The following DLG2 variants were observed in gnomAD, a reference collection of about 807,000 sequenced individuals.
The protein encoded by DLG2 is discs large MAGUK scaffold protein 2.
DLG2 carries 45 observed loss-of-function variants against 132.5 expected under a neutral mutation model. That is an observed-to-expected ratio of 0.34 (90% CI 0.27 to 0.44). The LOEUF (loss-of-function observed/expected upper bound fraction) is 0.44. Ranked by LOEUF, DLG2 falls within the 20% of genes least tolerant of loss-of-function variation. The pLI is 1.00. For synonymous variants in DLG2, 424 were observed against 419.6 expected (o/e 1.01, Z -0.13); for missense variants, 1,045 against 1,196.9 (o/e 0.87, Z 1.87).
chr11:84,806,047 A>T (rs966839026), intron 6 of DLG2, among the ~76,000 whole-genome samples: 1 of 152,242 alleles, frequency 6.6e-6, no homozygotes, highest in Non-Finnish European at 1.5e-5. Context: ...ATGAAATACC[A>T]TACAAAACTC....
At chr11:84,118,392 C>T (rs775141682) in intron 9 of DLG2, among the ~76,000 whole-genome samples, 9 of 152,114 alleles carry the variant, frequency 5.9e-5, no homozygotes, top group South Asian at 2.1e-4. Flanking sequence ...AGGCAAAATC[C>T]GATCAGACTT....
rs184684839 is a variant in DLG2 at position 84,887,927 on chromosome 11, T to C, written c.357+223734A>G. ...GTATCCACAATTACCCAGCTGCATT[T>C]AACTAATTTAAAGCTCCTCATACCA... On this transcript the variant is annotated intron_variant, in intron 6 of 27. Coordinates refer to ENST00000376104, the MANE Select transcript of DLG2 (RefSeq NM_001142699.3). 2.5e-4 allele frequency among the ~76,000 whole-genome samples: 38 copies of C among 152,264 alleles called. 1 individual carries two copies. In the East Asian group the frequency reaches 6.4e-3, roughly 26 times the overall value.
chr11:83,818,092 C>G (rs984918798), intron 17 of DLG2, among the ~76,000 whole-genome samples: 1 of 152,116 alleles, frequency 6.6e-6, no homozygotes, highest in African/African-American at 2.4e-5. Context: ...GTGAGAAGAT[C>G]AGGAGTTTGT....
Position 84,584,776 on chromosome 11 carries a change from C to T in DLG2, c.358-50045G>A, listed in dbSNP as rs561171425. The stretch of plus-strand genomic sequence containing the variant: ...GGATCTGGGCTCACTGCAAGCTCTG[C>T]CTCCCGGGTTCACGCCATTCTCCTG... On this transcript the variant is annotated intron_variant, in intron 6 of 27. Transcript: ENST00000376104. Among the ~76,000 whole-genome samples, 4 of 143,842 alleles carry T rather than the reference C, an allele frequency of 2.8e-5. No homozygotes were observed. In the East Asian group the frequency reaches 8.2e-4, roughly 30 times the overall value. 94.4% of individuals were successfully genotyped at this position (143,842 alleles called of 152,430 possible).
intron 8 of DLG2, among the ~76,000 whole-genome samples, chr11:84,188,746 C>T (rs1383473051): frequency 1.3e-5 from 2 of 152,090 alleles, no homozygotes; most frequent in Non-Finnish European, 2.9e-5. Context: ...CAAAGACATG[C>T]TTATTCTTTT....
At chr11:84,117,395 A>C (rs900658120) in intron 9 of DLG2, among the ~76,000 whole-genome samples, 1 of 152,224 alleles carries the variant, frequency 6.6e-6, no homozygotes, top group Non-Finnish European at 1.5e-5. Flanking sequence ...AAAATGAATG[A>C]AAAGGAACTA....
At chr11:84,423,711 CAA>C (rs2098957932) in intron 7 of DLG2, among the ~76,000 whole-genome samples, 1 of 149,712 alleles carries the variant, frequency 6.7e-6, no homozygotes, top group African/African-American at 2.5e-5. Context: ...TTTAATTACT[CAA>C]AGTTAGTGTC....
intron 11 of DLG2, among the ~76,000 whole-genome samples, chr11:84,023,374 T>A (rs537143086): frequency 6.6e-6 from 1 of 152,298 alleles, no homozygotes; most frequent in East Asian, 1.9e-4. Flanking sequence ...TTAATCTTCA[T>A]AACAAACCTA....
At position 83,506,181 on chromosome 11, in the gene DLG2, A is replaced by C. The variant is rs528176288; in HGVS notation, c.2194-21953T>G. ...TTCAGTTTCCACTAAACTTGGTCCT[A>C]GAATTTCCAGCTCGCTCACAGTGGG... is the stretch of plus-strand genomic sequence containing the variant. On this transcript the variant is annotated intron_variant, in intron 21 of 27. Coordinates refer to ENST00000376104, the MANE Select transcript of DLG2 (RefSeq NM_001142699.3). Among the ~76,000 whole-genome samples, 5 of 152,322 alleles carry C rather than the reference A, an allele frequency of 3.3e-5. No homozygotes were observed. In the East Asian group the frequency reaches 7.7e-4, roughly 24 times the overall value.
intron 18 of DLG2, among the ~76,000 whole-genome samples, chr11:83,711,459 G>A (rs1019828390): frequency 1.1e-4 from 16 of 152,182 alleles, no homozygotes; most frequent in African/African-American, 2.7e-4. Flanking sequence ...TTGGACTGTC[G>A]TCATAGGGCA....
intron 6 of DLG2, among the ~76,000 whole-genome samples, chr11:84,850,821 G>A (rs1036870326): frequency 6.6e-6 from 1 of 151,738 alleles, no homozygotes; most frequent in Non-Finnish European, 1.5e-5. Flanking sequence ...AAAATATTTA[G>A]GAATAAATTT....
At chr11:85,017,969 G>C (rs561128933) in intron 6 of DLG2, among the ~76,000 whole-genome samples, 40 of 152,108 alleles carry the variant, frequency 2.6e-4, no homozygotes, top group Non-Finnish European at 4.6e-4. Context: ...ATTTCTCTTG[G>C]AAAACTGATA....
intron 18 of DLG2, among the ~76,000 whole-genome samples, chr11:83,753,823 TC>T (rs1566831136): frequency 4.3e-5 from 3 of 69,418 alleles, no homozygotes; most frequent in African/African-American, 3.5e-4. Flanking sequence ...TATATATATT[TC>T]ATATATATAT....
intron 5 of DLG2, among the ~76,000 whole-genome samples, chr11:85,140,981 T>C (rs2076432563): frequency 6.6e-6 from 1 of 151,960 alleles, no homozygotes; most frequent in Non-Finnish European, 1.5e-5. Context: ...CATCAGTTGA[T>C]GGACACTTTG....
At chr11:85,622,984 G>A (rs774166777) in intron 2 of DLG2, among the ~76,000 whole-genome samples, 3 of 150,156 alleles carry the variant, frequency 2.0e-5, no homozygotes, top group Non-Finnish European at 4.4e-5. Context: ...CACGAACCCC[G>A]GAGGCGGAGG....
intron 7 of DLG2, among the ~76,000 whole-genome samples, chr11:84,407,268 C>T (rs935720702): frequency 2.0e-5 from 3 of 152,070 alleles, no homozygotes; most frequent in Non-Finnish European, 2.9e-5. Flanking sequence ...ATCTCTGCCC[C>T]GCCTATGAAC....
chr11:84,207,564 G>A (rs1482588576), intron 8 of DLG2, among the ~76,000 whole-genome samples: 1 of 152,112 alleles, frequency 6.6e-6, no homozygotes, highest in Non-Finnish European at 1.5e-5. Context: ...TTGACCAATG[G>A]TGCTGGATTA....
At chr11:85,357,569 G>T (rs938274844) in intron 3 of DLG2, among the ~76,000 whole-genome samples, 1 of 139,510 alleles carries the variant, frequency 7.2e-6, no homozygotes, top group African/African-American at 2.7e-5. Context: ...CTAGTTTGCT[G>T]GCTTCCTCTT....
At chr11:84,566,791 T>C (rs184495741) in intron 6 of DLG2, among the ~76,000 whole-genome samples, 7 of 152,314 alleles carry the variant, frequency 4.6e-5, no homozygotes, top group Admixed American at 4.6e-4. Flanking sequence ...TGTTCCACTT[T>C]GAAGTGGATT....
Sources: allele counts gnomAD v4.1 joint callset (sites outside exome capture counted in the v4.1 genomes callset), GRCh38; gene constraint gnomAD v4.1.1; transcripts MANE v1.5; gene names NCBI Gene and HGNC (gene_info 2026-07-23, HGNC 2026-07-21).